Variants in MAP3K20 observed in about 807,000 individuals in gnomAD.
MAP3K20 encodes the protein mitogen-activated protein kinase kinase kinase 20, also known as HCCS-4.
Under a neutral mutation model 85.7 loss-of-function variants are expected in MAP3K20, and 40 were observed. The ratio of observed to expected loss-of-function variants is 0.47; its 90% CI spans 0.36 to 0.61. The LOEUF (loss-of-function observed/expected upper bound fraction) is 0.61. MAP3K20 is among the 20% of genes least tolerant of loss of function. The pLI, the probability that MAP3K20 is intolerant of heterozygous loss-of-function variation, is 0.00. For synonymous variants in MAP3K20, 325 were observed against 327.7 expected (o/e 0.99, Z 0.09); for missense variants, 817 against 961.7 (o/e 0.85, Z 1.99).
At chr2:173,139,250 T>C (rs1445832203) in intron 2 of MAP3K20, among the ~76,000 whole-genome samples, 8 of 152,222 alleles carry the variant, frequency 5.3e-5, no homozygotes, top group African/African-American at 1.4e-4. Context: ...ATCTCAGCTT[T>C]GGAAAGGACT....
rs67401411 is a variant in MAP3K20 at position 173,225,908 on chromosome 2, TAAAAAA to T, written c.988-3774_988-3769del. 1.3e-5 allele frequency: 12 copies of T among 899,392 alleles called. No homozygotes were observed. In the South Asian group the frequency reaches 6.3e-4, roughly 47 times the overall value. The allele number at this position is 899,392 out of a possible 1,614,324, so 55.7% of individuals were successfully genotyped here. A position where few individuals can be genotyped will look rare whatever the true frequency, so the allele number is the denominator to read the frequency against. The stretch of plus-strand genomic sequence containing the variant: ...TTTCCCATTACACTGATTCCACAAT[TAAAAAA>T]AAAAAAGAAAAAAAACTCATTGAGA... On this transcript the variant is annotated intron_variant, in intron 11 of 19. Transcript: ENST00000375213.
intron 2 of MAP3K20, among the ~76,000 whole-genome samples, chr2:173,129,905 G>A (rs1455346860): frequency 6.6e-6 from 1 of 152,158 alleles, no homozygotes; most frequent in East Asian, 1.9e-4. Context: ...CAAAAGGGTA[G>A]AGTATTTACT....
In MAP3K20 at chr2:173,140,511, C is replaced by T. The variant is rs141814263; in HGVS notation, c.160-29294C>T. Among the ~76,000 whole-genome samples, 331 of 152,128 alleles carry T rather than the reference C, an allele frequency of 2.2e-3. 4 individuals are homozygous for T. The highest frequency in any genetic ancestry group is 7.5e-3 in the African/African-American group (313 of 41,486). Reference sequence around the variant, plus strand: ...GATTAGAGGCATGCACCACCACACCCGGCTAATTTTGAATTTTTAGTAGAG... The same window carrying T: ...GATTAGAGGCATGCACCACCACACCTGGCTAATTTTGAATTTTTAGTAGAG... On this transcript the variant is annotated intron_variant, in intron 2 of 19. Coordinates refer to ENST00000375213, the MANE Select transcript of MAP3K20 (RefSeq NM_016653.3).
At position 173,191,363 on chromosome 2, in the gene MAP3K20, G is replaced by A. The variant is rs1690644524; in HGVS notation, c.582+186G>A. ...AATGTTTAATCATTTTTAATCATCG[G>A]AGTTATTTTGTCCTGTGTTGAGAAG... On this transcript the variant is annotated intron_variant, in intron 7 of 19. Transcript: ENST00000375213. Among the ~76,000 whole-genome samples, 4 of 152,106 alleles carry A rather than the reference G, an allele frequency of 2.6e-5. No homozygotes were observed. The South Asian group carries it at 8.3e-4, about 32-fold the overall frequency.
At position 173,217,130 on chromosome 2, in the gene MAP3K20, A is replaced by T. The variant is rs779165549; in HGVS notation, c.867A>T (p.Ala289=). ...NKAEWRCEIE[A]TLERLKKLER... Reference sequence around the variant, plus strand: ...CCCCGTGCAGGTGCGAAATTGAGGCAACTCTTGAGAGGCTAAAGAAACTAG... The same window carrying T: ...CCCCGTGCAGGTGCGAAATTGAGGCTACTCTTGAGAGGCTAAAGAAACTAG... Residue 289 remains alanine, a synonymous_variant, in exon 11 of 20, where the codon GCA becomes GCT. Coordinates refer to ENST00000375213, the MANE Select transcript of MAP3K20 (RefSeq NM_016653.3). The T allele has an allele frequency of 1.0e-5, 16 of 1,567,762 alleles. No individual in the cohort carries two copies. In the South Asian group the frequency reaches 1.9e-4, roughly 19 times the overall value.
chr2:173,264,667 T>C (rs1033139492), intron 19 of MAP3K20, among the ~76,000 whole-genome samples: 2 of 151,928 alleles, frequency 1.3e-5, no homozygotes, highest in African/African-American at 4.8e-5. Flanking sequence ...CGTGGCTACA[T>C]GGAGGGGGAT....
In MAP3K20 at chr2:173,245,446, T is replaced by C. The variant is rs187628554; in HGVS notation, c.1359+5950T>C. Among the ~76,000 whole-genome samples the C allele has an allele frequency of 3.7e-3, 558 of 152,270 alleles. 9 individuals carry two copies. The highest frequency in any genetic ancestry group is 0.013 in the African/African-American group (529 of 41,554). Reference sequence around the variant, plus strand: ...CACATCCCTCCAAAGAGCCAGGACCTGACCAGGCTCCAGCCCCATTGATGC... The same window carrying C: ...CACATCCCTCCAAAGAGCCAGGACCCGACCAGGCTCCAGCCCCATTGATGC... On this transcript the variant is annotated intron_variant, in intron 16 of 19. Coordinates refer to ENST00000375213, the MANE Select transcript of MAP3K20 (RefSeq NM_016653.3).
chr2:173,159,347 C>CTCTT (rs1553572443), intron 2 of MAP3K20, among the ~76,000 whole-genome samples: 3 of 24,198 alleles, frequency 1.2e-4, no homozygotes, highest in Admixed American at 4.9e-4. Flanking sequence ...ATGTATTTTA[C>CTCTT]TCTTTCTTTC....
At position 173,182,841 on chromosome 2, in the gene MAP3K20, C is replaced by T. The variant is rs756912858; in HGVS notation, c.248-13C>T. The T allele has an allele frequency of 7.8e-6, 12 of 1,539,386 alleles. No homozygotes were observed. Among genetic ancestry groups the T allele is most frequent in the Non-Finnish European group, 9.7e-6 (11 of 1,135,904 alleles). On this transcript the variant is annotated splice_polypyrimidine_tract_variant and intron_variant, in intron 3 of 19. Transcript: ENST00000375213. Reference sequence around the variant, plus strand: ...TGATTTTAATTATATGCTTATCTTTCCTTTTAAAATAGAATATGCTTCTCT... The same window carrying T: ...TGATTTTAATTATATGCTTATCTTTTCTTTTAAAATAGAATATGCTTCTCT...
At chr2:173,243,886 A>C (rs994099988) in intron 16 of MAP3K20, among the ~76,000 whole-genome samples, 9 of 152,192 alleles carry the variant, frequency 5.9e-5, no homozygotes, top group East Asian at 1.9e-4. Flanking sequence ...TCGGCCTCCC[A>C]AAGTGCTGGG....
intron 7 of MAP3K20, among the ~76,000 whole-genome samples, chr2:173,196,948 TG>T (rs955571065): frequency 1.1e-5 from 1 of 92,282 alleles, no homozygotes; most frequent in African/African-American, 3.7e-5. Context: ...TGACTGTCTT[TG>T]GGCAAGTTTT....
At chr2:173,242,927 G>A (rs1272289643) in intron 16 of MAP3K20, among the ~76,000 whole-genome samples, 3 of 151,822 alleles carry the variant, frequency 2.0e-5, no homozygotes, top group Non-Finnish European at 4.4e-5. Context: ...GGCTGGTCTC[G>A]AGCTCCTGAC....
In MAP3K20 at chr2:173,114,881, C is replaced by T. The variant is rs886684518; in HGVS notation, c.159+23691C>T. 2.6e-5 allele frequency among the ~76,000 whole-genome samples: 4 copies of T among 152,144 alleles called. No individual in the cohort carries two copies. In the East Asian group the frequency reaches 7.7e-4, roughly 29 times the overall value. On this transcript the variant is annotated intron_variant, in intron 2 of 19. Transcript: ENST00000375213. ...CTTTGGATAACCTGATGACAGAGCA[C>T]CTAGGCGAAGATCTTTTTGCAGTGA...
intron 7 of MAP3K20, among the ~76,000 whole-genome samples, chr2:173,193,268 A>G (rs575030865): frequency 1.3e-5 from 2 of 152,230 alleles, no homozygotes; most frequent in Admixed American, 6.5e-5. Flanking sequence ...TGTCACATTT[A>G]TATGAACTAG....
chr2:173,246,361 C>T (rs546795618), intron 16 of MAP3K20, among the ~76,000 whole-genome samples: 1 of 152,150 alleles, frequency 6.6e-6, no homozygotes, highest in South Asian at 2.1e-4. Flanking sequence ...AATCAAAGTG[C>T]CCTGTGTTTT....
At chr2:173,221,469 G>GTGACGATGATGA in intron 11 of MAP3K20, 1 of 1,611,732 alleles carries the variant, frequency 6.2e-7, no homozygotes, top group Non-Finnish European at 8.5e-7. Context: ...TTGTCAGAAG[G>GTGACGATGATGA]TGACGATGAT....
chr2:173,247,466 C>T (rs185467323), intron 16 of MAP3K20, among the ~76,000 whole-genome samples: 1 of 152,134 alleles, frequency 6.6e-6, no homozygotes, highest in Non-Finnish European at 1.5e-5. Context: ...GAGCAGAAAG[C>T]AGCACTTTAC....
In MAP3K20 at chr2:173,200,137, T is replaced by C. The variant is rs559451794; in HGVS notation, c.669+2025T>C. Among the ~76,000 whole-genome samples, 104 of 152,286 alleles carry C rather than the reference T, an allele frequency of 6.8e-4. 1 individual carries two copies. The highest frequency in any genetic ancestry group is 1.6e-3 in the Admixed American group (24 of 15,288). The stretch of plus-strand genomic sequence containing the variant: ...AACTTTCTAATGAACTTCAGTAAAA[T>C]TGGGTATTACAAGGATATTTATCTG... On this transcript the variant is annotated intron_variant, in intron 8 of 19. Transcript: ENST00000375213.
rs1330620390 is a variant in MAP3K20, at chr2:173,209,786, A to G, written c.802A>G (p.Ser268Gly). Residue 268 changes from serine to glycine, a missense_variant, in exon 10 of 20, where the codon AGC (serine) becomes GGC (glycine). Physicochemically the swap from Ser to Gly is moderately conservative, Grantham distance 56. This residue lies in a region of MAP3K20 where 158 missense variants were observed against 162.0 expected (regional missense o/e 0.98). Coordinates refer to ENST00000375213, the MANE Select transcript of MAP3K20 (RefSeq NM_016653.3). ...CCTGGAGTCCATGTCAAATGACACG[A>G]GCCTTCCTGACAAGTGTAACTCATT... ...SILESMSNDT[S>G]LPDKCNSFLH... 6.2e-7 allele frequency: 1 copy of G among 1,614,018 alleles called. No homozygotes were observed. Among genetic ancestry groups the G allele is most frequent in the Non-Finnish European group, 8.5e-7 (1 of 1,180,018 alleles).
Sources: allele counts gnomAD v4.1 joint callset (sites outside exome capture counted in the v4.1 genomes callset), GRCh38; gene constraint gnomAD v4.1.1; regional missense constraint gnomAD v4.1.1; transcripts MANE v1.5; gene names NCBI Gene and HGNC (gene_info 2026-07-23, HGNC 2026-07-21).